PTTG1: variants seen among roughly 807,000 people sequenced by gnomAD.
The protein encoded by PTTG1 is PTTG1 regulator of sister chromatid separation, securin.
In PTTG1, 8 loss-of-function variants were observed where a neutral mutation model predicts 20.0. The observed-to-expected ratio is 0.40, with a 90% CI of 0.23 to 0.72. The LOEUF is 0.72. Among genes scored for constraint, PTTG1 ranks in the 30% least tolerant of loss-of-function variants. The probability of loss-of-function intolerance (pLI) is 0.38; values close to 1 mark genes in which losing one functional copy is unlikely to be tolerated. For missense variants in PTTG1, 197 were observed against 236.0 expected, an observed-to-expected ratio of 0.83 and a Z score of 1.08; for synonymous variants, 79 against 87.2, an observed-to-expected ratio of 0.91 and a Z score of 0.52.
chr5:160,422,172 G>A, intron 1 of PTTG1, 130 bp from the exon 2 acceptor site: 1 of 656,838 alleles, frequency 1.5e-6, no homozygotes, highest in Admixed American at 2.4e-5. Flanking sequence ...GTTGGCTCAC[G>A]CCCGTGACTG....
At chr5:160,427,638 G>A (rs1765832214) in intron 4 of PTTG1, 77 bp from the exon 5 acceptor site, 3 of 1,483,668 alleles carry the variant, frequency 2.0e-6, no homozygotes, top group Non-Finnish European at 2.7e-6. Context: ...CCCCCTCAAA[G>A]GGTCTCAGAC....
intron 3 of PTTG1, 42 bp from the exon 4 acceptor site, chr5:160,424,195 A>T: frequency 7.1e-7 from 1 of 1,415,028 alleles, no homozygotes; most frequent in South Asian, 1.2e-5. Flanking sequence ...AGCTAATAAG[A>T]CTTCCACTGT....
At position 160,427,806 on chromosome 5, in the gene PTTG1, G is replaced by A; in HGVS notation, c.462G>A (p.Glu154=). ...TCATGATCCTTGACGAGGAGAGAGA[G>A]CTTGAAAAGCTGTTTCAGCTGGGCC... ...VPLMILDEER[E]LEKLFQLGPP... The change falls in exon 5 of 6, where the codon GAG becomes GAA. Residue 154 remains glutamate, a synonymous_variant. Coordinates refer to ENST00000352433, the MANE Select transcript of PTTG1 (RefSeq NM_004219.4). 1 of 1,614,154 alleles carries A rather than the reference G, an allele frequency of 6.2e-7. No individual in the cohort carries two copies. The highest frequency in any genetic ancestry group is 8.5e-7 in the Non-Finnish European group (1 of 1,180,026).
At position 160,424,325 on chromosome 5, in the gene PTTG1, C is replaced by T; in HGVS notation, c.365C>T (p.Pro122Leu). Residue 122 changes from proline to leucine, a missense_variant, in exon 4 of 6, where the codon CCT (proline) becomes CTT (leucine). Pro to Leu is a moderately conservative substitution (Grantham distance 98). Coordinates refer to ENST00000352433, the MANE Select transcript of PTTG1 (RefSeq NM_004219.4). ...ATAGAAAAATTCTTTCCCTTCAATC[C>T]TCTAGGTAGTATCTTTTGCAATTGC... is the stretch of plus-strand genomic sequence containing the variant. ...PEIEKFFPFN[P>L]LDFESFDLPE... The T allele has an allele frequency of 6.3e-7, 1 of 1,593,258 alleles. No homozygotes were observed. The highest frequency in any genetic ancestry group is 2.2e-5 in the East Asian group (1 of 44,712).
intron 2 of PTTG1, 97 bp from the exon 3 acceptor site, chr5:160,422,611 TG>T: frequency 7.2e-7 from 1 of 1,388,238 alleles, no homozygotes; most frequent in Non-Finnish European, 1.0e-6. Context: ...AAGTGGGGGG[TG>T]GGTTTGGGGG....
chr5:160,426,509 A>G (rs546978764), intron 4 of PTTG1, among the ~76,000 whole-genome samples: 7 of 152,356 alleles, frequency 4.6e-5, no homozygotes, highest in South Asian at 2.1e-4. Flanking sequence ...AACCGTATCA[A>G]TGAGCATTTT....
In PTTG1 at chr5:160,427,754, C is replaced by T. The variant is rs781094535; in HGVS notation, c.410C>T (p.Ala137Val). 69 of 1,613,996 alleles carry T rather than the reference C, an allele frequency of 4.3e-5. 1 individual carries two copies. The highest frequency in any genetic ancestry group is 9.3e-5 in the African/African-American group (7 of 74,906). ...SFDLPEEHQI[A>V]HLPLSGVPLM... is the part of the protein sequence containing the mutation. ...GACCTGCCTGAAGAGCACCAGATTG[C>T]GCACCTCCCCTTGAGTGGAGTGCCT... The change falls in exon 5 of 6, where the codon GCG (alanine) becomes GTG (valine). Residue 137 changes from alanine to valine, a missense_variant. Transcript: ENST00000352433.
Position 160,428,563 on chromosome 5 carries a change from G to T in PTTG1, c.530-39G>T, listed in dbSNP as rs773939927. 5 of 1,562,612 alleles carry T rather than the reference G, an allele frequency of 3.2e-6. No homozygotes were observed. In the South Asian group the frequency reaches 3.3e-5, roughly 10 times the overall value. The stretch of plus-strand genomic sequence containing the variant: ...ATGTTGATATGGACAATGACTCAAG[G>T]ATTTGCAGAAATTTTAATAAGAGAT... On this transcript the variant is annotated intron_variant, in intron 5 of 5. Transcript: ENST00000352433.
At chr5:160,425,327 ATG>A (rs1765785554) in intron 4 of PTTG1, among the ~76,000 whole-genome samples, 1 of 152,228 alleles carries the variant, frequency 6.6e-6, no homozygotes, top group Non-Finnish European at 1.5e-5. Context: ...AAATTATAAA[ATG>A]TGGTGCATCC....
intron 3 of PTTG1, chr5:160,423,111 TGCATATTTTTGCCTCAC>T: frequency 1.8e-6 from 1 of 556,386 alleles, no homozygotes; most frequent in South Asian, 2.1e-5. Context: ...TTTTGCCTCA[TGCATATTTTTGCCTCAC>T]CTGTCCTTCA....
chr5:160,422,581 C>A, intron 2 of PTTG1, 128 bp from the exon 3 acceptor site: 1 of 1,090,772 alleles, frequency 9.2e-7, no homozygotes, highest in Non-Finnish European at 1.4e-6. Context: ...TTAGGCCTAT[C>A]ATAGCCATGC....
chr5:160,423,713 A>G (rs1765759139), intron 3 of PTTG1, among the ~76,000 whole-genome samples: 1 of 152,194 alleles, frequency 6.6e-6, no homozygotes, highest in African/African-American at 2.4e-5. Context: ...GCACCCTTCT[A>G]TAGTAGACTG....
intron 4 of PTTG1, among the ~76,000 whole-genome samples, chr5:160,426,039 T>C (rs774268678): frequency 3.3e-5 from 5 of 152,210 alleles, no homozygotes; most frequent in Non-Finnish European, 7.4e-5. Context: ...GAATGAATGT[T>C]ACCTAACACA....
intron 2 of PTTG1, 43 bp from the exon 3 acceptor site, chr5:160,422,666 A>AT (rs1395029949): frequency 1.2e-6 from 2 of 1,602,676 alleles, no homozygotes; most frequent in Non-Finnish European, 1.7e-6. Flanking sequence ...TTGTACAGGT[A>AT]TTTTGCTGCT....
intron 2 of PTTG1, 29 bp downstream of exon 2, chr5:160,422,432 A>G (rs1475919951): frequency 4.4e-6 from 7 of 1,584,170 alleles, no homozygotes; most frequent in Middle Eastern, 1.7e-4. Flanking sequence ...AGTCGGATAC[A>G]CTGGTATTGT....
intron 4 of PTTG1, among the ~76,000 whole-genome samples, chr5:160,427,085 G>T (rs796899677): frequency 6.6e-6 from 1 of 152,076 alleles, no homozygotes; most frequent in Non-Finnish European, 1.5e-5. Flanking sequence ...AAATTTTAAC[G>T]TTTTATATTC....
chr5:160,424,159 G>A, intron 3 of PTTG1, 78 bp from the exon 4 acceptor site: 1 of 1,044,428 alleles, frequency 9.6e-7, no homozygotes, highest in Non-Finnish European at 1.4e-6. Context: ...AAGGCAGCAT[G>A]AAATTGACAA....
At chr5:160,428,208 C>T (rs1765845393) in intron 5 of PTTG1, among the ~76,000 whole-genome samples, 1 of 152,154 alleles carries the variant, frequency 6.6e-6, no homozygotes, top group Non-Finnish European at 1.5e-5. Context: ...AATATAAGAT[C>T]AAAACACCTG....
In PTTG1 at chr5:160,422,344, A is replaced by G; in HGVS notation, c.32A>G (p.Asn11Ser). MATLIYVDKE[N>S]GEPGTRVVAK... Reference sequence around the variant, plus strand: ...ACTCTGATCTATGTTGATAAGGAAAATGGAGAACCAGGCACCCGTGTGGTT... The same window carrying G: ...ACTCTGATCTATGTTGATAAGGAAAGTGGAGAACCAGGCACCCGTGTGGTT... The change falls in exon 2 of 6, where the codon AAT (asparagine) becomes AGT (serine). Residue 11 changes from asparagine to serine, a missense_variant. Coordinates refer to ENST00000352433, the MANE Select transcript of PTTG1 (RefSeq NM_004219.4). 6.2e-7 allele frequency: 1 copy of G among 1,614,038 alleles called. No homozygotes were observed. Among genetic ancestry groups the G allele is most frequent in the East Asian group, 2.2e-5 (1 of 44,868 alleles).
Sources: allele counts gnomAD v4.1 joint callset (sites outside exome capture counted in the v4.1 genomes callset), GRCh38; gene constraint gnomAD v4.1.1; transcripts MANE v1.5; gene names NCBI Gene and HGNC (gene_info 2026-07-23, HGNC 2026-07-21).